GNAQ: variants seen among roughly 807,000 people sequenced by gnomAD.
GNAQ encodes guanine nucleotide-binding protein G(q) subunit alpha.
In GNAQ, 8 loss-of-function variants were observed where a neutral mutation model predicts 43.9. The ratio of observed to expected loss-of-function variants is 0.18; its 90% CI spans 0.11 to 0.33. The LOEUF is 0.33. Among genes scored for constraint, GNAQ ranks in the 10% least tolerant of loss-of-function variants. The pLI, the probability that GNAQ is intolerant of heterozygous loss-of-function variation, is 1.00. For synonymous variants in GNAQ, 155 were observed against 170.7 expected, an observed-to-expected ratio of 0.91 and a Z score of 0.71; for missense variants, 158 against 450.8, an observed-to-expected ratio of 0.35 and a Z score of 5.88.
At chr9:77,988,110 G>A (rs540344230) in intron 1 of GNAQ, among the ~76,000 whole-genome samples, 1 of 152,216 alleles carries the variant, frequency 6.6e-6, no homozygotes, top group Non-Finnish European at 1.5e-5. Context: ...GAACAGCAAT[G>A]AGGACAGAGC....
Position 77,839,004 on chromosome 9 carries a change from T to A in GNAQ, c.322-23234A>T, listed in dbSNP as rs775031642. ...CTTCATTAAGAGAAGAGTAGTCATA[T>A]GGTACCCTCTTCACCATCTTCTTCT... On this transcript the variant is annotated intron_variant, in intron 2 of 6. Coordinates refer to ENST00000286548, the MANE Select transcript of GNAQ (RefSeq NM_002072.5). 3.3e-5 allele frequency among the ~76,000 whole-genome samples: 5 copies of A among 152,270 alleles called. No individual in the cohort carries two copies. In the East Asian group the frequency reaches 9.7e-4, roughly 29 times the overall value.
At chr9:77,996,448 G>C (rs138551018) in intron 1 of GNAQ, among the ~76,000 whole-genome samples, 9,012 of 152,168 alleles carry the variant, frequency 0.059, 301 homozygotes, top group African/African-American at 0.064. Context: ...GGGAAGCCGA[G>C]GCGGGCGGAT....
chr9:77,803,890 A>C (rs1437532886), intron 3 of GNAQ, among the ~76,000 whole-genome samples: 1 of 152,252 alleles, frequency 6.6e-6, no homozygotes, highest in Non-Finnish European at 1.5e-5. Context: ...CTTGTAACAG[A>C]TAAATTCTTT....
intron 5 of GNAQ, among the ~76,000 whole-genome samples, chr9:77,740,024 T>C (rs1005463592): frequency 6.6e-6 from 1 of 152,202 alleles, no homozygotes; most frequent in South Asian, 2.1e-4. Context: ...CTCAGTGTGT[T>C]AGGCCAGGAA....
intron 1 of GNAQ, among the ~76,000 whole-genome samples, chr9:77,997,298 A>G (rs1017208498): frequency 6.6e-6 from 1 of 152,182 alleles, no homozygotes; most frequent in Non-Finnish European, 1.5e-5. Context: ...TAAAATGTCA[A>G]TTAGAAGGCC....
At chr9:78,014,472 G>T (rs537203570) in intron 1 of GNAQ, among the ~76,000 whole-genome samples, 12 of 152,174 alleles carry the variant, frequency 7.9e-5, no homozygotes, top group Non-Finnish European at 1.5e-4. Context: ...TGGGTGTGGT[G>T]GTGCATGCCT....
At chr9:77,794,366 G>T in intron 5 of GNAQ, 97 bp downstream of exon 5, 1 of 793,724 alleles carries the variant, frequency 1.3e-6, no homozygotes. Flanking sequence ...AGAAAGCAAA[G>T]AAGTAAGTTC....
intron 2 of GNAQ, among the ~76,000 whole-genome samples, chr9:77,868,277 T>TA (rs1250376476): frequency 6.6e-6 from 1 of 152,248 alleles, no homozygotes; most frequent in African/African-American, 2.4e-5. Context: ...TGTTCAGTAT[T>TA]AATGGTCACA....
At chr9:77,765,465 A>G (rs566154374) in intron 5 of GNAQ, among the ~76,000 whole-genome samples, 1 of 152,378 alleles carries the variant, frequency 6.6e-6, no homozygotes, top group South Asian at 2.1e-4. Context: ...AAGGACATGA[A>G]TAGACATTTC....
intron 3 of GNAQ, among the ~76,000 whole-genome samples, chr9:77,799,433 T>A (rs1826708592): frequency 6.6e-6 from 1 of 152,204 alleles, no homozygotes; most frequent in African/African-American, 2.4e-5. Flanking sequence ...CATCTTTATT[T>A]CTGCCTTAGT....
chr9:77,796,279 C>T (rs758283956), intron 4 of GNAQ, among the ~76,000 whole-genome samples: 7 of 152,124 alleles, frequency 4.6e-5, no homozygotes, highest in Non-Finnish European at 7.4e-5. Context: ...CACAGTGTCA[C>T]GGCAAGGAAT....
At chr9:77,972,409 C>A (rs1465731665) in intron 1 of GNAQ, among the ~76,000 whole-genome samples, 1 of 148,188 alleles carries the variant, frequency 6.7e-6, no homozygotes, top group African/African-American at 2.5e-5. Context: ...GTTTCTCATA[C>A]TGTTTTTTTT....
intron 2 of GNAQ, among the ~76,000 whole-genome samples, chr9:77,841,082 G>GT (rs1179394608): frequency 2.0e-5 from 3 of 150,672 alleles, no homozygotes; most frequent in African/African-American, 7.5e-5. Flanking sequence ...ATGTATTCAT[G>GT]TTAAAAAAAC....
chr9:77,974,484 A>G (rs1823274894), intron 1 of GNAQ, among the ~76,000 whole-genome samples: 1 of 152,224 alleles, frequency 6.6e-6, no homozygotes, highest in Non-Finnish European at 1.5e-5. Context: ...TACTGTTGTA[A>G]GGACTTTAAA....
At chr9:78,026,928 G>A (rs1463481371) in intron 1 of GNAQ, among the ~76,000 whole-genome samples, 1 of 152,142 alleles carries the variant, frequency 6.6e-6, no homozygotes, top group Non-Finnish European at 1.5e-5. Context: ...CACCCATTTA[G>A]TCATCACCTG....
intron 5 of GNAQ, among the ~76,000 whole-genome samples, chr9:77,760,112 ATTATT>A: frequency 6.6e-6 from 1 of 151,110 alleles, no homozygotes; most frequent in South Asian, 2.1e-4. Flanking sequence ...TATAAAATTA[ATTATT>A]TTAAAGTTTA....
intron 1 of GNAQ, among the ~76,000 whole-genome samples, chr9:77,969,546 A>C (rs1053304982): frequency 6.6e-6 from 1 of 152,240 alleles, no homozygotes. Flanking sequence ...TACATTATAT[A>C]TAATACAGAT....
chr9:77,845,114 AACT>A (rs1474649099), intron 2 of GNAQ, among the ~76,000 whole-genome samples: 4 of 152,196 alleles, frequency 2.6e-5, no homozygotes, highest in African/African-American at 9.7e-5. Flanking sequence ...TCAATACTGT[AACT>A]CGTTGGAAAT....
chr9:77,780,552 G>C (rs1253056362), intron 5 of GNAQ, among the ~76,000 whole-genome samples: 1 of 151,440 alleles, frequency 6.6e-6, no homozygotes, highest in African/African-American at 2.4e-5. Flanking sequence ...TGGCTACTGT[G>C]AACAGTGCTG....
Sources: allele counts gnomAD v4.1 joint callset (sites outside exome capture counted in the v4.1 genomes callset), GRCh38; gene constraint gnomAD v4.1.1; transcripts MANE v1.5; gene names NCBI Gene and HGNC (gene_info 2026-07-23, HGNC 2026-07-21).